The following PCDH15 variants were observed in gnomAD, a reference collection of about 807,000 sequenced individuals.
PCDH15 encodes protocadherin-15.
PCDH15 carries 129 observed loss-of-function variants against 178.5 expected under a neutral mutation model. The ratio of observed to expected loss-of-function variants is 0.72; its 90% CI spans 0.63 to 0.84. The LOEUF (loss-of-function observed/expected upper bound fraction) is 0.84. PCDH15 is among the 40% of genes least tolerant of loss of function. The pLI, the probability that PCDH15 is intolerant of heterozygous loss-of-function variation, is 0.00. For missense variants in PCDH15, 2,230 were observed against 2,099.9 expected (o/e 1.06, Z -1.21); for synonymous variants, 800 against 732.0 (o/e 1.09, Z -1.50).
At chr10:54,330,583 C>CA (rs1554904543) in intron 6 of PCDH15, among the ~76,000 whole-genome samples, 4 of 151,784 alleles carry the variant, frequency 2.6e-5, no homozygotes, top group Non-Finnish European at 4.4e-5. Context: ...GGTTATATAT[C>CA]ATTTTTTTCT....
At chr10:55,582,193 C>T (rs1485059123) in intron 2 of PCDH15, among the ~76,000 whole-genome samples, 2 of 152,180 alleles carry the variant, frequency 1.3e-5, no homozygotes, top group Non-Finnish European at 2.9e-5. Flanking sequence ...ACTGTGCAAC[C>T]AATCTAGAAT....
chr10:55,405,270 G>A (rs181817513), intron 2 of PCDH15, among the ~76,000 whole-genome samples: 1,002 of 85,404 alleles, frequency 0.012, 15 homozygotes, highest in African/African-American at 0.042. Context: ...TGTATATGTA[G>A]TGTGAGGTAA....
chr10:55,213,396 T>A (rs193029895), intron 1 of PCDH15, among the ~76,000 whole-genome samples: 23 of 152,214 alleles, frequency 1.5e-4, no homozygotes, highest in Admixed American at 9.2e-4. Flanking sequence ...TTTCCTTGAG[T>A]GTTTGGTAGA....
At chr10:54,978,791 T>G (rs2131901628) in intron 2 of PCDH15, among the ~76,000 whole-genome samples, 1 of 152,252 alleles carries the variant, frequency 6.6e-6, no homozygotes, top group Non-Finnish European at 1.5e-5. Flanking sequence ...TTTGAGATGC[T>G]ATTTAAGCCT....
intron 1 of PCDH15, among the ~76,000 whole-genome samples, chr10:55,171,363 T>C (rs996508094): frequency 2.6e-5 from 4 of 152,196 alleles, no homozygotes; most frequent in African/African-American, 4.8e-5. Context: ...AAATTCACTA[T>C]TTCTTGAATC....
At chr10:55,363,935 C>T (rs377526377) in intron 2 of PCDH15, among the ~76,000 whole-genome samples, 1 of 152,090 alleles carries the variant, frequency 6.6e-6, no homozygotes, top group South Asian at 2.1e-4. Flanking sequence ...CTGTGCCCAG[C>T]CTGTTTTTGT....
At chr10:54,720,416 C>A (rs1941393075) in intron 1 of PCDH15, among the ~76,000 whole-genome samples, 1 of 151,744 alleles carries the variant, frequency 6.6e-6, no homozygotes. Flanking sequence ...AAGAGAGAAG[C>A]ATCTAATCAC....
intron 2 of PCDH15, among the ~76,000 whole-genome samples, chr10:54,563,962 A>G (rs1479461642): frequency 6.6e-6 from 1 of 152,178 alleles, no homozygotes; most frequent in Non-Finnish European, 1.5e-5. Context: ...AAAGCAAAGC[A>G]AAACAAACAA....
At chr10:55,519,236 CTCTT>C (rs1389324644) in intron 2 of PCDH15, among the ~76,000 whole-genome samples, 2 of 149,426 alleles carry the variant, frequency 1.3e-5, no homozygotes, top group East Asian at 2.0e-4. Context: ...TGTTTCTCTC[CTCTT>C]TCTTTAATTT....
chr10:55,399,492 A>G (rs1160833799), intron 2 of PCDH15, among the ~76,000 whole-genome samples: 2 of 152,176 alleles, frequency 1.3e-5, no homozygotes, highest in African/African-American at 2.4e-5. Context: ...TTTGAAGACC[A>G]GGAAATAATG....
At chr10:55,227,420 C>G (rs904124654) in intron 1 of PCDH15, among the ~76,000 whole-genome samples, 13 of 145,370 alleles carry the variant, frequency 8.9e-5, no homozygotes, top group African/African-American at 3.3e-4. Flanking sequence ...AATGGGGAAA[C>G]AGATAGTCCA....
chr10:54,654,274 A>G (rs2094327934), intron 2 of PCDH15, among the ~76,000 whole-genome samples: 1 of 152,190 alleles, frequency 6.6e-6, no homozygotes, highest in Non-Finnish European at 1.5e-5. Context: ...GAATATACAA[A>G]ATGTGTTTAT....
At chr10:54,563,123 A>G (rs2088455125) in intron 2 of PCDH15, among the ~76,000 whole-genome samples, 1 of 152,192 alleles carries the variant, frequency 6.6e-6, no homozygotes, top group Non-Finnish European at 1.5e-5. Context: ...AGTGCTATCA[A>G]GGTGGATTTT....
At chr10:54,218,965 G>A (rs2052410165) in intron 9 of PCDH15, among the ~76,000 whole-genome samples, 1 of 151,782 alleles carries the variant, frequency 6.6e-6, no homozygotes, top group Non-Finnish European at 1.5e-5. Context: ...GATTAAAAGA[G>A]ACTTAGGGCT....
chr10:54,638,679 AC>A (rs1474585724), intron 2 of PCDH15, among the ~76,000 whole-genome samples: 1 of 152,062 alleles, frequency 6.6e-6, no homozygotes, highest in Non-Finnish European at 1.5e-5. Context: ...CAATTCCACT[AC>A]TAGGTATCTA....
chr10:55,595,942 C>A (rs1842928003), intron 2 of PCDH15, among the ~76,000 whole-genome samples: 1 of 151,986 alleles, frequency 6.6e-6, no homozygotes, highest in African/African-American at 2.4e-5. Flanking sequence ...ATAATGTTTG[C>A]ACTGCTTAAA....
At chr10:54,446,821 T>G (rs903377731) in intron 3 of PCDH15, among the ~76,000 whole-genome samples, 1 of 151,512 alleles carries the variant, frequency 6.6e-6, no homozygotes, top group Non-Finnish European at 1.5e-5. Flanking sequence ...ACAATACAAT[T>G]GCAAACTGCT....
intron 21 of PCDH15, among the ~76,000 whole-genome samples, chr10:53,981,500 T>C (rs2090634743): frequency 6.6e-6 from 1 of 152,094 alleles, no homozygotes; most frequent in Non-Finnish European, 1.5e-5. Context: ...AAAAGAGCCT[T>C]CAGAAATAAC....
rs1283739647 is a variant in PCDH15, at chr10:54,317,344, C to T, written c.803G>A (p.Cys268Tyr). ...ATCACGAGTGTTTGGCACAAGGACA[C>T]AAGGAAGAAACATTGGACCCAAGTC... ...GDDLGPMFLP[C>Y]VLVPNTRDCR... Residue 268 changes from cysteine (C) to tyrosine (Y), a missense_variant, in exon 8 of 38, where the codon TGT (cysteine) becomes TAT (tyrosine). By Grantham distance (194) the Cys-to-Tyr change is radical. Transcript: ENST00000644397. The T allele has an allele frequency of 1.2e-6, 2 of 1,613,950 alleles. No homozygotes were observed. Among genetic ancestry groups the T allele is most frequent in the Non-Finnish European group, 1.7e-6 (2 of 1,179,926 alleles).
Sources: allele counts gnomAD v4.1 joint callset (sites outside exome capture counted in the v4.1 genomes callset), GRCh38; gene constraint gnomAD v4.1.1; transcripts MANE v1.5; gene names NCBI Gene and HGNC (gene_info 2026-07-23, HGNC 2026-07-21).